Variants in ZNF782 observed in about 807,000 individuals in gnomAD.
ZNF782 encodes the protein zinc finger protein 782.
Under a neutral mutation model 13.0 loss-of-function variants are expected in ZNF782, and 12 were observed. The ratio of observed to expected loss-of-function variants is 0.92; its 90% confidence interval spans 0.59 to 1.50. ZNF782 has a LOEUF of 1.50. ZNF782 is among the 40% of genes most tolerant of loss of function. The pLI is 0.00. For missense variants in ZNF782, 770 were observed against 822.9 expected, an observed-to-expected ratio of 0.94 and a Z score of 0.79; for synonymous variants, 284 against 283.0, an observed-to-expected ratio of 1.00 and a Z score of -0.04.
chr9:96,818,241 C>G lies in ZNF782; in HGVS notation c.1782G>C (p.Glu594Asp). The change falls in exon 6 of 6, where the codon GAG (glutamate) becomes GAC (aspartate). Residue 594 changes from glutamate (E) to aspartate (D), a missense_variant. Transcript: ENST00000481138. ...HTGEKPYQCE[E>D]CGKTFRQKSN... ...ATTTCTGCCTGAATGTTTTTCCACA[C>G]TCCTCACATTGATAGGGTTTCTCCC... The G allele has an allele frequency of 6.2e-7, 1 of 1,611,844 alleles. No individual in the cohort carries two copies. Among genetic ancestry groups the G allele is most frequent in the Non-Finnish European group, 8.5e-7 (1 of 1,179,418 alleles).
At chr9:96,824,770 C>G (rs1410040415) in intron 5 of ZNF782, among the ~76,000 whole-genome samples, 1 of 148,646 alleles carries the variant, frequency 6.7e-6, no homozygotes, top group Non-Finnish European at 1.5e-5. Flanking sequence ...AACAGACAAA[C>G]AGAGAGCCAA....
chr9:96,887,965 CA>C, the ZNF782 span: 2 of 134,804 alleles, frequency 1.5e-5, no homozygotes, highest in Admixed American at 1.8e-4. Flanking sequence ...GGGAATTGAA[CA>C]ATGAGAACAC....
Position 96,850,124 on chromosome 9 carries a change from A to C in ZNF782, c.15+1823T>G, listed in dbSNP as rs1165585841. 2.0e-5 allele frequency among the ~76,000 whole-genome samples: 3 copies of C among 152,240 alleles called. No homozygotes were observed. Among genetic ancestry groups the C allele is most frequent in the African/African-American group, 4.8e-5 (2 of 41,464 alleles). On this transcript the variant is annotated intron_variant, in intron 3 of 5. Coordinates refer to ENST00000481138, the MANE Select transcript of ZNF782 (RefSeq NM_001001662.3). This position sits in a 1 kb window ranked among gnomAD's most constrained non-coding sequence, Gnocchi z 4.3. ...AGATTCCTTAAAGAACTAAAAGTAG[A>C]TCTACCATTCGATCTAGCAATCCCA...
At position 96,817,205 on chromosome 9, in the gene ZNF782, C is replaced by T. The variant is rs759903839; in HGVS notation, c.*718G>A. 5.9e-5 allele frequency: 9 copies of T among 152,156 alleles called. No homozygotes were observed. Among genetic ancestry groups the T allele is most frequent in the Non-Finnish European group, 1.2e-4 (8 of 68,044 alleles). 9.4% of individuals were successfully genotyped at this position (152,156 alleles called of 1,614,324 possible). A position where few individuals can be genotyped will look rare whatever the true frequency, so the allele number is the denominator to read the frequency against. Reference sequence around the variant, plus strand: ...AGAATTTGACTGATGTATTTAAGACCTGTCACTGACCCCATATTCCACTAG... The same window carrying T: ...AGAATTTGACTGATGTATTTAAGACTTGTCACTGACCCCATATTCCACTAG... On this transcript the variant is annotated 3_prime_UTR_variant, in exon 6 of 6. Transcript: ENST00000481138.
chr9:96,836,188 C>T (rs1355756464), intron 4 of ZNF782, among the ~76,000 whole-genome samples: 1 of 151,930 alleles, frequency 6.6e-6, no homozygotes, highest in Non-Finnish European at 1.5e-5. Flanking sequence ...GCCTATTCCA[C>T]CATTGTATCT....
chr9:96,920,120 A>G, the ZNF782 span, among the ~76,000 whole-genome samples: 1 of 150,078 alleles, frequency 6.7e-6, no homozygotes, highest in African/African-American at 2.4e-5. Context: ...GCCAAAAGAA[A>G]ATGTGAAGTT....
chr9:96,907,906 G>T, the ZNF782 span, among the ~76,000 whole-genome samples: 3 of 151,876 alleles, frequency 2.0e-5, no homozygotes, highest in African/African-American at 7.3e-5. Context: ...CTCCCAAAGT[G>T]CTGGGATTAC....
chr9:96,827,607 C>A (rs531793029), intron 4 of ZNF782, among the ~76,000 whole-genome samples: 5 of 152,190 alleles, frequency 3.3e-5, no homozygotes, highest in Non-Finnish European at 5.9e-5. Context: ...GGCCAAAAAA[C>A]ATTTTCTTAT....
intron 4 of ZNF782, among the ~76,000 whole-genome samples, chr9:96,828,235 A>G (rs1850691072): frequency 6.6e-6 from 1 of 152,208 alleles, no homozygotes; most frequent in Non-Finnish European, 1.5e-5. Flanking sequence ...ATTAATGACC[A>G]ACAGGGTAGA....
chr9:96,830,690 C>A (rs758681148), intron 4 of ZNF782, among the ~76,000 whole-genome samples: 9 of 152,170 alleles, frequency 5.9e-5, no homozygotes, highest in Non-Finnish European at 1.0e-4. Context: ...TCTAAAATCA[C>A]TTGTCATACC....
the ZNF782 span, chr9:96,895,585 T>TTAAC: frequency 2.6e-5 from 4 of 152,032 alleles, no homozygotes; most frequent in African/African-American, 9.7e-5. Context: ...CTTTACCAAG[T>TTAAC]TGACTGTGCA....
At chr9:96,849,751 A>G (rs1375929903) in intron 3 of ZNF782, among the ~76,000 whole-genome samples, 1 of 152,214 alleles carries the variant, frequency 6.6e-6, no homozygotes, top group Non-Finnish European at 1.5e-5. Context: ...GGGAGAAAAT[A>G]TTTACAAACT....
chr9:96,827,116 C>G lies in ZNF782; in HGVS notation c.208G>C (p.Glu70Gln), dbSNP rs762805973. 2 of 1,612,508 alleles carry G rather than the reference C, an allele frequency of 1.2e-6. No homozygotes were observed. The highest frequency in any genetic ancestry group is 1.3e-5 in the African/African-American group (1 of 75,004). ...CTGCTTAGAAATCCTTTCTCTTTCT[C>G]TAATAACCATGGATCTTCTCCTTGT... Reference protein sequence around the residue: ...LEQGEDPWLLEKEKGFLSRNS... With the variant: ...LEQGEDPWLLQKEKGFLSRNS... The change falls in exon 5 of 6, where the codon GAG (glutamate) becomes CAG (glutamine). Residue 70 changes from glutamate (E) to glutamine (Q), a missense_variant. Physicochemically the swap from Glu to Gln is conservative, Grantham distance 29. Transcript: ENST00000481138.
At chr9:96,913,686 C>G in the ZNF782 span, among the ~76,000 whole-genome samples, 2 of 151,760 alleles carry the variant, frequency 1.3e-5, no homozygotes, top group African/African-American at 4.8e-5. Flanking sequence ...CCACACCTAG[C>G]TAATTTTTGT....
At chr9:96,881,024 T>G in the ZNF782 span, among the ~76,000 whole-genome samples, 1 of 152,268 alleles carries the variant, frequency 6.6e-6, no homozygotes, top group Admixed American at 6.5e-5. Context: ...TTCAAGCAAT[T>G]AGAACATTTA....
intron 2 of ZNF782, 28 bp downstream of exon 2, chr9:96,852,824 CT>C (rs1051302174): frequency 2.0e-5 from 3 of 152,602 alleles, no homozygotes; most frequent in African/African-American, 7.2e-5. Flanking sequence ...TCAAAAGGCC[CT>C]TTGGATAAGA....
chr9:96,929,155 G>C, the ZNF782 span: 25 of 1,563,024 alleles, frequency 1.6e-5, no homozygotes, highest in Non-Finnish European at 2.0e-5. Flanking sequence ...GGGAGCACTG[G>C]ATGTCCCCAA....
chr9:96,878,969 C>T (rs1182376220), upstream of ZNF782, among the ~76,000 whole-genome samples: 1 of 152,114 alleles, frequency 6.6e-6, no homozygotes, highest in African/African-American at 2.4e-5. Context: ...TAAGGTTAAA[C>T]ATCAAATGGT....
chr9:96,847,218 A>G (rs1851365867), intron 3 of ZNF782, among the ~76,000 whole-genome samples: 1 of 152,210 alleles, frequency 6.6e-6, no homozygotes, highest in Non-Finnish European at 1.5e-5. Context: ...AAATGCCTAT[A>G]TCAAAAAGCC....
Sources: gnomAD v4.1 joint callset for allele counts (sites outside exome capture counted in the v4.1 genomes callset) on GRCh38, gnomAD v4.1.1 for gene constraint, Gnocchi (gnomAD v3.1) non-coding constraint, MANE v1.5 for transcripts, NCBI Gene and HGNC (gene_info 2026-07-23, HGNC 2026-07-21) for gene names.